The following MRPL15 variants were observed in gnomAD, a reference collection of about 807,000 sequenced individuals.
MRPL15 encodes the protein mitochondrial ribosomal protein L15.
In MRPL15, 24 loss-of-function variants were observed where a neutral mutation model predicts 28.0. The observed-to-expected ratio is 0.86, with a 90% CI of 0.62 to 1.21. MRPL15 has a LOEUF of 1.21. Ranked by LOEUF, MRPL15 falls within the 50% of genes most tolerant of loss-of-function variation. The probability of loss-of-function intolerance (pLI) is 0.00; values close to 1 mark genes in which losing one functional copy is unlikely to be tolerated. For missense variants in MRPL15, 343 were observed against 372.4 expected, an observed-to-expected ratio of 0.92 and a Z score of 0.65; for synonymous variants, 124 against 137.0, an observed-to-expected ratio of 0.90 and a Z score of 0.66.
Position 54,135,407 on chromosome 8 carries a change from C to A in MRPL15, c.108+16C>A. ...CAAGAAACCGGTAAATGGGTGGTGG[C>A]GGTGCGGGGAAGCGCTGGGGACCCG... On this transcript the variant is annotated intron_variant, in intron 1 of 4. Transcript: ENST00000260102. The A allele has an allele frequency of 6.6e-7, 1 of 1,523,022 alleles. No individual in the cohort carries two copies. The highest frequency in any genetic ancestry group is 1.2e-5 in the South Asian group (1 of 82,328). The allele number at this position is 1,523,022 out of a possible 1,614,324, so 94.3% of individuals were successfully genotyped here.
chr8:54,147,392 C>T lies in MRPL15; in HGVS notation c.564C>T (p.Cys188=), dbSNP rs746145999. The T allele has an allele frequency of 6.2e-7, 1 of 1,606,654 alleles. No homozygotes were observed. Among genetic ancestry groups the T allele is most frequent in the East Asian group, 2.2e-5 (1 of 44,776 alleles). ...FYDPRSLDIV[C]KPVPFFLRGQ... ...TAAATTTTCTTTTAGACATTGTATG[C>T]AAACCTGTTCCATTCTTTCTTCGTG... is the stretch of plus-strand genomic sequence containing the variant. Residue 188 remains cysteine (C), a synonymous_variant, in exon 5 of 5, where the codon TGC becomes TGT. Coordinates refer to ENST00000260102, the MANE Select transcript of MRPL15 (RefSeq NM_014175.4).
At position 54,147,618 on chromosome 8, in the gene MRPL15, C is replaced by A; in HGVS notation, c.790C>A (p.Gln264Lys). ...KMLCTRKDPR[Q>K]IFFGLAPGWV... ...GCTCTGTACTAGGAAGGATCCAAGG[C>A]AGATTTTCTTTGGTCTTGCTCCAGG... Residue 264 changes from glutamine to lysine, a missense_variant, in exon 5 of 5, where the codon CAG (glutamine) becomes AAG (lysine). Physicochemically the swap from Gln to Lys is moderately conservative, Grantham distance 53. Transcript: ENST00000260102. The A allele has an allele frequency of 6.2e-7, 1 of 1,614,162 alleles. No homozygotes were observed. The highest frequency in any genetic ancestry group is 2.2e-5 in the East Asian group (1 of 44,886).
At chr8:54,142,965 G>C in intron 4 of MRPL15, 179 bp downstream of exon 4, 1 of 869,730 alleles carries the variant, frequency 1.1e-6, no homozygotes, top group Non-Finnish European at 1.7e-6. Context: ...CATACACCAA[G>C]GGCAAAAAAG....
intron 3 of MRPL15, 112 bp from the exon 4 acceptor site, chr8:54,142,551 G>T: frequency 7.9e-7 from 1 of 1,270,362 alleles, no homozygotes; most frequent in South Asian, 1.5e-5. Flanking sequence ...TAACTGTATT[G>T]TTATGTTATA....
chr8:54,142,732 A>G lies in MRPL15; in HGVS notation c.499A>G (p.Ile167Val). The change falls in exon 4 of 5, where the codon ATT becomes GTT. Residue 167 changes from isoleucine (I) to valine (V), a missense_variant. Physicochemically the swap from Ile to Val is conservative, Grantham distance 29 (BLOSUM62 3). Transcript: ENST00000260102. ...QLASELAIAA[I>V]EKNGGVVTTA... ...GGCTTCAGAACTAGCTATTGCTGCC[A>G]TTGAAAAAAATGGTGGTGTTGTTAC... The G allele has an allele frequency of 6.2e-7, 1 of 1,614,190 alleles. No individual in the cohort carries two copies. Among genetic ancestry groups the G allele is most frequent in the Non-Finnish European group, 8.5e-7 (1 of 1,180,026 alleles).
chr8:54,142,685 A>G lies in MRPL15; in HGVS notation c.452A>G (p.Lys151Arg). 6.2e-7 allele frequency: 1 copy of G among 1,613,950 alleles called. No individual in the cohort carries two copies. The highest frequency in any genetic ancestry group is 8.5e-7 in the Non-Finnish European group (1 of 1,179,990). The change falls in exon 4 of 5, where the codon AAA becomes AGA. Residue 151 changes from lysine to arginine, a missense_variant. By Grantham distance (26) the Lys-to-Arg change is conservative. Transcript: ENST00000260102. The stretch of plus-strand genomic sequence containing the variant: ...CAGGGTGCTGACACCTTTACGGCAA[A>G]AGTTAATATTGAAGTACAGTTGGCT... ...VEEGADTFTA[K>R]VNIEVQLASE...
chr8:54,142,628 G>T, intron 3 of MRPL15, 35 bp from the exon 4 acceptor site: 1 of 1,599,260 alleles, frequency 6.3e-7, no homozygotes, highest in Non-Finnish European at 8.5e-7. Context: ...TTTTAGCCAA[G>T]CTGTTTACCA....
chr8:54,147,228 G>A (rs1394663394), intron 4 of MRPL15, among the ~76,000 whole-genome samples, 154 bp from the exon 5 acceptor site: 4 of 145,098 alleles, frequency 2.8e-5, no homozygotes, highest in Middle Eastern at 3.2e-3. Context: ...GTGAAACTGC[G>A]TCTCAAAAAA....
chr8:54,144,573 C>A lies in MRPL15; in HGVS notation c.553+1787C>A, dbSNP rs1308356194. 4.6e-5 allele frequency among the ~76,000 whole-genome samples: 7 copies of A among 152,092 alleles called. No individual in the cohort carries two copies. In the South Asian group the frequency reaches 1.4e-3, roughly 32 times the overall value. ...ATCACATGAGGTCAGGAGTTCTAGA[C>A]CAGCGTGGCCAACATGGTGAAACCT... On this transcript the variant is annotated intron_variant, in intron 4 of 4. Coordinates refer to ENST00000260102, the MANE Select transcript of MRPL15 (RefSeq NM_014175.4).
Position 54,141,495 on chromosome 8 carries a change from T to G in MRPL15, c.430-1168T>G, listed in dbSNP as rs190207085. ...AAAATGGAAATGTAGTCAGTCTTAC[T>G]TACACGGATTGAAAATTAGTAAAAC... On this transcript the variant is annotated intron_variant, in intron 3 of 4. Transcript: ENST00000260102. 1.7e-3 allele frequency among the ~76,000 whole-genome samples: 254 copies of G among 152,262 alleles called. 1 individual carries two copies. Among genetic ancestry groups the G allele is most frequent in the African/African-American group, 5.8e-3 (239 of 41,546 alleles).
At chr8:54,141,135 T>A (rs1190057856) in intron 3 of MRPL15, among the ~76,000 whole-genome samples, 1 of 152,190 alleles carries the variant, frequency 6.6e-6, no homozygotes, top group African/African-American at 2.4e-5. Flanking sequence ...GAAGATTAGT[T>A]TTTAATCTAT....
Position 54,135,319 on chromosome 8 carries a change from C to A in MRPL15, c.36C>A (p.Ala12=). ...AGPLQGGGAR[A]LDLLRGLPRV... is the part of the protein sequence containing the mutation. ...CCTTGCAGGGCGGTGGGGCCCGGGCCCTGGACCTACTCCGGGGCCTGCCGC... is the reference window on the plus strand; with the variant it reads ...CCTTGCAGGGCGGTGGGGCCCGGGCACTGGACCTACTCCGGGGCCTGCCGC... The change falls in exon 1 of 5, where the codon GCC becomes GCA. Residue 12 remains alanine (A), a synonymous_variant. Transcript: ENST00000260102. 1 of 1,473,706 alleles carries A rather than the reference C, an allele frequency of 6.8e-7. No homozygotes were observed. The highest frequency in any genetic ancestry group is 2.9e-5 in the East Asian group (1 of 34,522). The allele number at this position is 1,473,706 out of a possible 1,614,324, so 91.3% of individuals were successfully genotyped here.
intron 4 of MRPL15, among the ~76,000 whole-genome samples, chr8:54,143,363 G>A (rs958619669): frequency 6.6e-6 from 1 of 152,168 alleles, no homozygotes; most frequent in Non-Finnish European, 1.5e-5. Flanking sequence ...ACAGGTGTGA[G>A]CCACCACGCC....
At chr8:54,135,830 G>A (rs1810820919) in intron 1 of MRPL15, among the ~76,000 whole-genome samples, 1 of 152,136 alleles carries the variant, frequency 6.6e-6, no homozygotes, top group Non-Finnish European at 1.5e-5. Flanking sequence ...GCCGCACCCA[G>A]TTCTTAATAA....
intron 2 of MRPL15, among the ~76,000 whole-genome samples, chr8:54,137,016 CCA>C (rs1330149532): frequency 1.3e-5 from 2 of 152,066 alleles, no homozygotes; most frequent in Admixed American, 1.3e-4. Context: ...GTTAAATTTT[CCA>C]CAGATTTATT....
chr8:54,148,022 T>C lies in MRPL15; in HGVS notation c.*303T>C, dbSNP rs1446982743. On this transcript the variant is annotated 3_prime_UTR_variant, in exon 5 of 5. Transcript: ENST00000260102. ...TTCAGTGATCTTTTCATCCAGGCCT[T>C]GTTACTGTTACAGATCAGAATGAAA... 1 of 269,692 alleles carries C rather than the reference T, an allele frequency of 3.7e-6. No individual in the cohort carries two copies. Among genetic ancestry groups the C allele is most frequent in the East Asian group, 7.7e-5 (1 of 13,046 alleles). The allele number at this position is 269,692 out of a possible 1,614,324, so 16.7% of individuals were successfully genotyped here. A position where few individuals can be genotyped will look rare whatever the true frequency, so the allele number is the denominator to read the frequency against.
chr8:54,140,735 G>A lies in MRPL15; in HGVS notation c.430-1928G>A, dbSNP rs564281228. ...ACTACAGGCACCCGCCACCATGGCC[G>A]GCTAATTTATTTATTTTTTTGTATT... On this transcript the variant is annotated intron_variant, in intron 3 of 4. Transcript: ENST00000260102. Among the ~76,000 whole-genome samples the A allele has an allele frequency of 5.9e-5, 9 of 151,776 alleles. No homozygotes were observed. In the East Asian group the frequency reaches 1.4e-3, roughly 23 times the overall value.
chr8:54,137,521 T>C, intron 3 of MRPL15, 88 bp downstream of exon 3: 1 of 1,274,408 alleles, frequency 7.8e-7, no homozygotes, highest in South Asian at 1.5e-5. Flanking sequence ...TGGAGTACAG[T>C]GGCGCAATCT....
Position 54,142,723 on chromosome 8 carries a change from A to C in MRPL15, c.490A>C (p.Ile164Leu). ...IEVQLASELAIAAIEKNGGVV... is the reference protein window; with the variant it reads ...IEVQLASELALAAIEKNGGVV... ...AGTACAGTTGGCTTCAGAACTAGCTATTGCTGCCATTGAAAAAAATGGTGG... is the reference window on the plus strand; with the variant it reads ...AGTACAGTTGGCTTCAGAACTAGCTCTTGCTGCCATTGAAAAAAATGGTGG... The change falls in exon 4 of 5, where the codon ATT becomes CTT. Residue 164 changes from isoleucine to leucine, a missense_variant. Physicochemically the swap from Ile to Leu is conservative, Grantham distance 5. Coordinates refer to ENST00000260102, the MANE Select transcript of MRPL15 (RefSeq NM_014175.4). 6.2e-7 allele frequency: 1 copy of C among 1,614,014 alleles called. No homozygotes were observed. Among genetic ancestry groups the C allele is most frequent in the East Asian group, 2.2e-5 (1 of 44,862 alleles).
Sources: gnomAD v4.1 joint callset for allele counts (sites outside exome capture counted in the v4.1 genomes callset) on GRCh38, gnomAD v4.1.1 for gene constraint, MANE v1.5 for transcripts, NCBI Gene and HGNC (gene_info 2026-07-23, HGNC 2026-07-21) for gene names.